Variants in ASIC2 observed in about 807,000 individuals in gnomAD.
The protein encoded by ASIC2 is acid-sensing ion channel 2.
A neutral mutation model predicts 57.3 loss-of-function variants in ASIC2; 25 were observed. The observed-to-expected ratio is 0.44, with a 90% CI of 0.32 to 0.61. The LOEUF (loss-of-function observed/expected upper bound fraction) is 0.61. Among genes scored for constraint, ASIC2 ranks in the 20% least tolerant of loss-of-function variants. The probability of loss-of-function intolerance (pLI) is 0.06; values close to 1 mark genes in which losing one functional copy is unlikely to be tolerated. For missense variants in ASIC2, 641 were observed against 738.1 expected (o/e 0.87, Z 1.52); for synonymous variants, 319 against 307.5 (o/e 1.04, Z -0.39).
chr17:33,639,082 A>T (rs1906469397), intron 1 of ASIC2, among the ~76,000 whole-genome samples: 1 of 151,756 alleles, frequency 6.6e-6, no homozygotes, highest in Admixed American at 6.6e-5. Flanking sequence ...GGTGAAGAGG[A>T]GATACCATGG....
At chr17:33,799,512 T>C (rs1374378665) in intron 1 of ASIC2, among the ~76,000 whole-genome samples, 1 of 149,112 alleles carries the variant, frequency 6.7e-6, no homozygotes, top group East Asian at 1.9e-4. Context: ...CTTTCTTTCT[T>C]TCCTTCTTTC....
chr17:33,568,888 C>T (rs1916337576), intron 1 of ASIC2, among the ~76,000 whole-genome samples: 1 of 152,156 alleles, frequency 6.6e-6, no homozygotes, highest in African/African-American at 2.4e-5. Context: ...ATATGGAACT[C>T]AGCCTGTAGG....
chr17:33,558,339 G>C (rs1001186239), intron 1 of ASIC2, among the ~76,000 whole-genome samples: 1 of 152,166 alleles, frequency 6.6e-6, no homozygotes, highest in African/African-American at 2.4e-5. Context: ...TAAATATTCT[G>C]GGTTATGTTA....
chr17:33,583,608 C>T (rs1014978888), intron 1 of ASIC2, among the ~76,000 whole-genome samples: 1 of 152,158 alleles, frequency 6.6e-6, no homozygotes, highest in Non-Finnish European at 1.5e-5. Context: ...CAATGCCTGT[C>T]CTGTTTAGGC....
intron 1 of ASIC2, among the ~76,000 whole-genome samples, chr17:33,656,354 T>C (rs147276051): frequency 2.6e-5 from 4 of 152,288 alleles, no homozygotes; most frequent in African/African-American, 9.6e-5. Context: ...AATAAGGTAA[T>C]AGGCTCAATT....
chr17:33,140,600 G>T (rs2092383564), intron 1 of ASIC2, among the ~76,000 whole-genome samples: 1 of 152,188 alleles, frequency 6.6e-6, no homozygotes, highest in Non-Finnish European at 1.5e-5. Flanking sequence ...CACCCAAGGG[G>T]CCAGAGACCT....
At chr17:33,487,191 C>T (rs1012753078) in intron 1 of ASIC2, among the ~76,000 whole-genome samples, 1 of 152,114 alleles carries the variant, frequency 6.6e-6, no homozygotes, top group African/African-American at 2.4e-5. Flanking sequence ...AGTACTAGAA[C>T]CTGCAATGGT....
chr17:33,374,522 T>C (rs574694861), intron 1 of ASIC2, among the ~76,000 whole-genome samples: 1 of 152,272 alleles, frequency 6.6e-6, no homozygotes, highest in African/African-American at 2.4e-5. Flanking sequence ...CTCTGAGCTT[T>C]TGGGGAGACT....
intron 1 of ASIC2, among the ~76,000 whole-genome samples, chr17:34,045,773 C>T (rs1908311582): frequency 6.6e-6 from 1 of 152,172 alleles, no homozygotes; most frequent in Admixed American, 6.5e-5. Flanking sequence ...AAGAAGAAAA[C>T]TGGGGTAGTT....
At chr17:33,373,749 C>T (rs528421018) in intron 1 of ASIC2, among the ~76,000 whole-genome samples, 2 of 152,230 alleles carry the variant, frequency 1.3e-5, no homozygotes, top group East Asian at 1.9e-4. Flanking sequence ...GTGATCTTGG[C>T]TCACTGCAAT....
chr17:33,605,013 TTCTCTCTCTC>T (rs5820054), intron 1 of ASIC2, among the ~76,000 whole-genome samples: 4 of 148,026 alleles, frequency 2.7e-5, no homozygotes, highest in African/African-American at 9.9e-5. Context: ...TATTACTTCA[TTCTCTCTCTC>T]TCTCTCTCTC....
chr17:33,719,843 C>A (rs912859434), intron 1 of ASIC2, among the ~76,000 whole-genome samples: 3 of 152,116 alleles, frequency 2.0e-5, no homozygotes, highest in African/African-American at 4.8e-5. Flanking sequence ...GGCCGCACAG[C>A]GAGAATGAAT....
Position 33,206,158 on chromosome 17 carries a change from G to C in ASIC2, c.708+85250C>G, listed in dbSNP as rs115508630. Among the ~76,000 whole-genome samples, 1,008 of 152,228 alleles carry C rather than the reference G, an allele frequency of 6.6e-3. 10 individuals carry two copies. Among genetic ancestry groups the C allele is most frequent in the African/African-American group, 0.023 (944 of 41,524 alleles). ...AAGAGCTAAATTTTAATATTTGTTTGCTCTCAAAACAGCAGCATCATACTT... is the reference window on the plus strand; with the variant it reads ...AAGAGCTAAATTTTAATATTTGTTTCCTCTCAAAACAGCAGCATCATACTT... On this transcript the variant is annotated intron_variant, in intron 1 of 9. Transcript: ENST00000225823.
chr17:33,564,958 T>G (rs1916188393), intron 1 of ASIC2, among the ~76,000 whole-genome samples: 1 of 152,256 alleles, frequency 6.6e-6, no homozygotes, highest in African/African-American at 2.4e-5. Flanking sequence ...GTGATACTTT[T>G]ATTTAATTTA....
chr17:33,016,079 AG>A, intron 8 of ASIC2, 40 bp from the exon 9 acceptor site: 3 of 1,605,542 alleles, frequency 1.9e-6, no homozygotes, highest in Non-Finnish European at 2.6e-6. Flanking sequence ...GGCCGGGAAG[AG>A]GGTGCAGAGG....
intron 1 of ASIC2, among the ~76,000 whole-genome samples, chr17:33,881,256 GC>G (rs1187926152): frequency 6.6e-6 from 1 of 152,128 alleles, no homozygotes; most frequent in African/African-American, 2.4e-5. Flanking sequence ...GGAAGTCCTG[GC>G]CAGGGCAATC....
At chr17:33,618,953 T>A (rs889984517) in intron 1 of ASIC2, among the ~76,000 whole-genome samples, 2 of 152,318 alleles carry the variant, frequency 1.3e-5, no homozygotes, top group African/African-American at 2.4e-5. Flanking sequence ...TTCTTCAAAT[T>A]CCGGGCCCAA....
At chr17:34,085,590 T>A (rs1429437243) in intron 1 of ASIC2, among the ~76,000 whole-genome samples, 1 of 152,186 alleles carries the variant, frequency 6.6e-6, no homozygotes, top group Non-Finnish European at 1.5e-5. Flanking sequence ...TTTCTATTGA[T>A]TGGAATAGTT....
At chr17:33,423,700 A>ACT (rs33931584) in intron 1 of ASIC2, among the ~76,000 whole-genome samples, 53,355 of 151,732 alleles carry the variant, frequency 0.35, 10,022 homozygotes, top group East Asian at 0.74. Context: ...AAAACCAGTG[A>ACT]CTCTCTTGGG....
Sources: allele counts gnomAD v4.1 joint callset (sites outside exome capture counted in the v4.1 genomes callset), GRCh38; gene constraint gnomAD v4.1.1; transcripts MANE v1.5; gene names NCBI Gene and HGNC (gene_info 2026-07-23, HGNC 2026-07-21).